The following TRPM2 variants were observed in gnomAD, a reference collection of about 807,000 sequenced individuals.
TRPM2 encodes the protein transient receptor potential cation channel subfamily M member 2, also known as estrogen-responsive element-associated gene 1 protein.
A neutral mutation model predicts 174.0 loss-of-function variants in TRPM2; 161 were observed. That is an observed-to-expected ratio of 0.93 (90% CI 0.81 to 1.05). The LOEUF (loss-of-function observed/expected upper bound fraction) is 1.05, where lower values mean the gene tolerates loss of function less well. TRPM2 is among the 50% of genes least tolerant of loss of function. The pLI is 0.00. For missense variants in TRPM2, 2,057 were observed against 2,038.0 expected, an observed-to-expected ratio of 1.01 and a Z score of -0.18; for synonymous variants, 954 against 861.3, an observed-to-expected ratio of 1.11 and a Z score of -1.88.
At position 44,432,298 on chromosome 21, in the gene TRPM2, C is replaced by T. The variant is rs1353605595; in HGVS notation, c.3975-2833C>T. Among the ~76,000 whole-genome samples, 5 of 152,198 alleles carry T rather than the reference C, an allele frequency of 3.3e-5. No homozygotes were observed. Among genetic ancestry groups the T allele is most frequent in the African/African-American group, 4.8e-5 (2 of 41,442 alleles). ...CCAGCTCCTGGTGTTCCTGGCAGCC[C>T]TTCGTGTTCCTTGGCTTGTGATCTC... On this transcript the variant is annotated intron_variant, in intron 27 of 31. Transcript: ENST00000397928. The surrounding 1 kb of genome is among the most constrained non-coding windows in gnomAD (Gnocchi z 4.9).
Position 44,401,896 on chromosome 21 carries a change from A to G in TRPM2, c.2537A>G (p.Gln846Arg), listed in dbSNP as rs1366712399. The G allele has an allele frequency of 1.2e-6, 2 of 1,613,534 alleles. No individual in the cohort carries two copies. The highest frequency in any genetic ancestry group is 4.5e-5 in the East Asian group (2 of 44,848). The change falls in exon 16 of 32, where the codon CAG becomes CGG. Residue 846 changes from glutamine (Q) to arginine (R), a missense_variant and splice_region_variant. Gln to Arg is a conservative substitution (Grantham distance 43). Coordinates refer to ENST00000397928, the MANE Select transcript of TRPM2 (RefSeq NM_003307.4). ...LFSLVCEEMRQLFYDPDECGL... is the reference protein window; with the variant it reads ...LFSLVCEEMRRLFYDPDECGL... ...TCCTTGGTGTGCGAGGAGATGCGGC[A>G]GGTACAGCCCCACCCGCTTTTCCAC...
At chr21:44,386,421 A>G (rs958969402) in intron 9 of TRPM2, among the ~76,000 whole-genome samples, 9 of 152,294 alleles carry the variant, frequency 5.9e-5, no homozygotes, top group Non-Finnish European at 7.4e-5. Context: ...CACCAAAAAA[A>G]AATCTGCTGC....
chr21:44,417,782 G>A (rs2050359879), intron 20 of TRPM2, 145 bp from the exon 21 acceptor site: 1 of 803,892 alleles, frequency 1.2e-6, no homozygotes, highest in Non-Finnish European at 1.9e-6. Flanking sequence ...GCATGTGGGT[G>A]TGGCTCTGCT....
At chr21:44,403,181 G>C (rs773057779) in intron 16 of TRPM2, among the ~76,000 whole-genome samples, 2 of 152,194 alleles carry the variant, frequency 1.3e-5, no homozygotes, top group Non-Finnish European at 2.9e-5. Context: ...CAGCCTGAGA[G>C]CAGAGGGGGC....
At chr21:44,441,375 A>G (rs748186552) in intron 31 of TRPM2, among the ~76,000 whole-genome samples, 1 of 152,218 alleles carries the variant, frequency 6.6e-6, no homozygotes, top group Non-Finnish European at 1.5e-5. Context: ...GGGGATGTGG[A>G]TTCCCAGTAC....
chr21:44,426,108 G>T (rs569820837), intron 25 of TRPM2, among the ~76,000 whole-genome samples: 91 of 152,176 alleles, frequency 6.0e-4, no homozygotes, highest in African/African-American at 2.1e-3. Flanking sequence ...CCATCCCAGG[G>T]CCCAGCCCCC....
chr21:44,389,484 A>C (rs2049108345), intron 9 of TRPM2, among the ~76,000 whole-genome samples: 1 of 152,186 alleles, frequency 6.6e-6, no homozygotes, highest in South Asian at 2.1e-4. Context: ...AACTTTTCTG[A>C]AAATATTGCA....
intron 27 of TRPM2, among the ~76,000 whole-genome samples, chr21:44,434,161 A>G (rs2051137853): frequency 1.3e-5 from 2 of 152,100 alleles, no homozygotes; most frequent in African/African-American, 4.8e-5. Context: ...TGCAGCTCTG[A>G]TGGGGTCTGG....
intron 27 of TRPM2, among the ~76,000 whole-genome samples, chr21:44,427,524 G>C (rs1478015959): frequency 4.6e-5 from 7 of 152,192 alleles, no homozygotes. Context: ...CACAGGATCG[G>C]CGCTGCACCC....
intron 22 of TRPM2, chr21:44,422,178 G>T (rs375387365): frequency 1.4e-6 from 2 of 1,434,908 alleles, no homozygotes; most frequent in African/African-American, 2.9e-5. Context: ...CTCCAGTGAA[G>T]AAGCTGGGCA....
At chr21:44,362,741 A>G (rs948372255) in intron 2 of TRPM2, among the ~76,000 whole-genome samples, 13 of 151,896 alleles carry the variant, frequency 8.6e-5, no homozygotes, top group Non-Finnish European at 1.8e-4. Context: ...CCTTCCTTCA[A>G]TTAAGAAGGT....
intron 19 of TRPM2, among the ~76,000 whole-genome samples, chr21:44,411,171 G>A (rs1195382195): frequency 6.6e-6 from 1 of 152,188 alleles, no homozygotes; most frequent in Non-Finnish European, 1.5e-5. Context: ...GGCTTCACAA[G>A]AATTTTTGGA....
intron 2 of TRPM2, among the ~76,000 whole-genome samples, chr21:44,359,608 T>C (rs892741676): frequency 1.3e-5 from 2 of 151,392 alleles, no homozygotes; most frequent in Admixed American, 6.6e-5. Context: ...TGTTTTTTTT[T>C]AATTCCCTTA....
At position 44,401,752 on chromosome 21, in the gene TRPM2, T is replaced by G. The variant is rs1175958776; in HGVS notation, c.2393T>G (p.Val798Gly). ...ARAFFTAPVV[V>G]FHLNILSYFA... is the part of the protein sequence containing the mutation. The stretch of plus-strand genomic sequence containing the variant: ...GCCTTCTTCACCGCACCCGTGGTGG[T>G]CTTCCACCTGAACATCCTCTCCTAC... The change falls in exon 16 of 32, where the codon GTC becomes GGC. Residue 798 changes from valine (V) to glycine (G), a missense_variant. By Grantham distance (109) the Val-to-Gly change is moderately radical (BLOSUM62 -3). Transcript: ENST00000397928. 6 of 1,613,408 alleles carry G rather than the reference T, an allele frequency of 3.7e-6. No individual in the cohort carries two copies. The East Asian group carries it at 1.3e-4, about 36-fold the overall frequency.
rs2050790948 is a variant in TRPM2 at position 44,426,653 on chromosome 21, G to A, written c.3796-7G>A. On this transcript the variant is annotated splice_region_variant and splice_polypyrimidine_tract_variant and intron_variant, in intron 25 of 31. Coordinates refer to ENST00000397928, the MANE Select transcript of TRPM2 (RefSeq NM_003307.4). Reference sequence around the variant, plus strand: ...AATCTGAGGGAAAACTCCCTGTTTTGCGACAGACGGAGTTCCTGATCTATG... The same window carrying A: ...AATCTGAGGGAAAACTCCCTGTTTTACGACAGACGGAGTTCCTGATCTATG... 6.2e-7 allele frequency: 1 copy of A among 1,614,138 alleles called. No homozygotes were observed. The highest frequency in any genetic ancestry group is 8.5e-7 in the Non-Finnish European group (1 of 1,180,000).
chr21:44,399,620 A>G lies in TRPM2; in HGVS notation c.2208+179A>G, dbSNP rs1194657040. The stretch of plus-strand genomic sequence containing the variant: ...CAGGCTCTGGCCTCCCATTTTGCAG[A>G]TGGGGGGAAGCTAACATGAAGCAAA... On this transcript the variant is annotated intron_variant, in intron 14 of 31. Coordinates refer to ENST00000397928, the MANE Select transcript of TRPM2 (RefSeq NM_003307.4). The surrounding 1 kb of genome is among the most constrained non-coding windows in gnomAD (Gnocchi z 4.6). 6.6e-6 allele frequency among the ~76,000 whole-genome samples: 1 copy of G among 152,142 alleles called. No homozygotes were observed. Among genetic ancestry groups the G allele is most frequent in the African/African-American group, 2.4e-5 (1 of 41,442 alleles).
At chr21:44,406,077 C>T (rs370040790) in intron 18 of TRPM2, 40 bp downstream of exon 18, 84 of 1,596,954 alleles carry the variant, frequency 5.3e-5, no homozygotes, top group Non-Finnish European at 6.9e-5. Context: ...CGGCCTGCAG[C>T]CCAGGGTGGG....
rs369353650 is a variant in TRPM2, at chr21:44,382,789, G to A, written c.1287G>A (p.Val429=). 1.2e-6 allele frequency: 2 copies of A among 1,613,968 alleles called. No homozygotes were observed. The highest frequency in any genetic ancestry group is 1.7e-6 in the Non-Finnish European group (2 of 1,179,984). The change falls in exon 9 of 32, where the codon GTG becomes GTA. Residue 429 remains valine, a synonymous_variant. Coordinates refer to ENST00000397928, the MANE Select transcript of TRPM2 (RefSeq NM_003307.4). ...AAGGCAAGGATGGTCAGCAGGACGTGGATGTGGCCATCTTGCAGGCCTTGC... is the reference window on the plus strand; with the variant it reads ...AAGGCAAGGATGGTCAGCAGGACGTAGATGTGGCCATCTTGCAGGCCTTGC... ...FREGKDGQQD[V]DVAILQALLK... is the part of the protein sequence containing the mutation.
chr21:44,352,794 T>C (rs2123002955), upstream of TRPM2, among the ~76,000 whole-genome samples: 2 of 152,328 alleles, frequency 1.3e-5, no homozygotes. Context: ...GGAAAGGATA[T>C]GAGAGAAAAA....
Sources: allele counts gnomAD v4.1 joint callset (sites outside exome capture counted in the v4.1 genomes callset), GRCh38; gene constraint gnomAD v4.1.1; non-coding constraint Gnocchi (gnomAD v3.1); transcripts MANE v1.5; gene names NCBI Gene and HGNC (gene_info 2026-07-23, HGNC 2026-07-21).